PALM2AKAP2: variants seen among roughly 807,000 people sequenced by gnomAD.
The protein encoded by PALM2AKAP2 is PALM2-AKAP2 fusion protein.
PALM2AKAP2 carries 37 observed loss-of-function variants against 71.5 expected under a neutral mutation model. The ratio of observed to expected loss-of-function variants is 0.52; its 90% CI spans 0.40 to 0.68. The LOEUF is 0.68. Ranked by LOEUF, PALM2AKAP2 falls within the 30% of genes least tolerant of loss-of-function variation. The probability of loss-of-function intolerance (pLI) is 0.00; values close to 1 mark genes in which losing one functional copy is unlikely to be tolerated. For missense variants in PALM2AKAP2, 1,224 were observed against 1,191.8 expected, an observed-to-expected ratio of 1.03 and a Z score of -0.40; for synonymous variants, 468 against 478.8, an observed-to-expected ratio of 0.98 and a Z score of 0.29.
At chr9:110,135,299 CAAAAAAAAAAAA>C (rs71373970) in intron 1 of PALM2AKAP2, among the ~76,000 whole-genome samples, 2 of 7,256 alleles carry the variant, frequency 2.8e-4, no homozygotes, top group East Asian at 3.8e-3. Context: ...AATCCCATCT[CAAAAAAAAAAAA>C]AAAAAAAAAA....
At chr9:109,984,055 A>C (rs1832327096) in intron 6 of PALM2AKAP2, among the ~76,000 whole-genome samples, 1 of 152,144 alleles carries the variant, frequency 6.6e-6, no homozygotes, top group Non-Finnish European at 1.5e-5. Context: ...GATGCTAAAA[A>C]CTTACCTAAT....
chr9:109,756,509 C>A (rs1487896297), intron 1 of PALM2AKAP2, among the ~76,000 whole-genome samples: 1 of 152,114 alleles, frequency 6.6e-6, no homozygotes, highest in African/African-American at 2.4e-5. Flanking sequence ...TGTTCATTGG[C>A]TTTTGGCCAA....
chr9:110,032,060 GAAAAAA>G (rs560993508), intron 7 of PALM2AKAP2, among the ~76,000 whole-genome samples: 1 of 119,378 alleles, frequency 8.4e-6, no homozygotes, highest in African/African-American at 3.2e-5. Flanking sequence ...AGCTTACGGG[GAAAAAA>G]AAAAAAAAAA....
At chr9:109,985,764 C>T (rs142070631) in intron 6 of PALM2AKAP2, among the ~76,000 whole-genome samples, 1 of 151,740 alleles carries the variant, frequency 6.6e-6, no homozygotes, top group African/African-American at 2.4e-5. Context: ...ATTCTCCTGC[C>T]TCAGCCACCT....
intron 1 of PALM2AKAP2, among the ~76,000 whole-genome samples, chr9:109,747,437 C>T (rs1828819928): frequency 6.6e-6 from 1 of 152,094 alleles, no homozygotes; most frequent in African/African-American, 2.4e-5. Context: ...CTTGGGGTTC[C>T]TGTCTTGGCA....
chr9:110,094,671 GGGGGC>G lies in PALM2AKAP2; in HGVS notation c.157-41452_157-41448del, dbSNP rs1408837709. 3.8e-3 allele frequency among the ~76,000 whole-genome samples: 260 copies of G among 69,258 alleles called. 1 individual carries two copies. The highest frequency in any genetic ancestry group is 0.027 in the African/African-American group (245 of 9,082). 45.4% of individuals were successfully genotyped at this position (69,258 alleles called of 152,430 possible). On this transcript the variant is annotated intron_variant, in intron 1 of 3. Coordinates refer to ENST00000374525, the Ensembl canonical transcript of PALM2AKAP2. ...TTATCGGAATAGCACCACGGGGCGG[GGGGGC>G]GGGTAATCTGCCCCCATGATCCAAT...
At chr9:110,079,445 G>A (rs994376845) in intron 1 of PALM2AKAP2, among the ~76,000 whole-genome samples, 6 of 152,092 alleles carry the variant, frequency 3.9e-5, no homozygotes, top group Non-Finnish European at 7.4e-5. Context: ...GCAGTGAGCC[G>A]AGATCGTGCC....
chr9:109,882,335 A>G (rs1829871421), intron 3 of PALM2AKAP2, among the ~76,000 whole-genome samples: 1 of 152,222 alleles, frequency 6.6e-6, no homozygotes, highest in Non-Finnish European at 1.5e-5. Flanking sequence ...CTATGTCCCT[A>G]CTTTGCTTAG....
chr9:110,048,768 TG>T lies in PALM2AKAP2; in HGVS notation c.71del (p.Gly24AspfsTer41). The T allele has an allele frequency of 6.9e-7, 1 of 1,458,384 alleles. No individual in the cohort carries two copies. 90.3% of individuals were successfully genotyped at this position (1,458,384 alleles called of 1,614,324 possible). Reference sequence around the variant, plus strand: ...AGTCTCCTGGACCCCCGGAGTCTCCTGGACCCCCGGAGCGGGAGGCAGCGGC... The same window carrying T: ...AGTCTCCTGGACCCCCGGAGTCTCCTGACCCCCGGAGCGGGAGGCAGCGGC... On this transcript the variant is annotated frameshift_variant, in exon 1 of 4. Coordinates refer to ENST00000374525, the Ensembl canonical transcript of PALM2AKAP2. LOFTEE classifies it high-confidence loss of function.
chr9:110,156,274 T>C (rs1057318335), intron 2 of PALM2AKAP2, 45 bp from the exon 9 acceptor site: 5 of 1,494,458 alleles, frequency 3.3e-6, no homozygotes, highest in Non-Finnish European at 3.6e-6. Flanking sequence ...AAAGCAGTCA[T>C]GAGCAGACAA....
At chr9:110,135,064 C>CCAGCACTT (rs1384698059) in intron 1 of PALM2AKAP2, among the ~76,000 whole-genome samples, 1 of 146,084 alleles carries the variant, frequency 6.8e-6, no homozygotes, top group Non-Finnish European at 1.5e-5. Flanking sequence ...GTCTGTAATC[C>CCAGCACTT]CAGCACTTCG....
chr9:109,660,934 T>C (rs1827383936), intron 1 of PALM2AKAP2, among the ~76,000 whole-genome samples: 1 of 152,216 alleles, frequency 6.6e-6, no homozygotes, highest in African/African-American at 2.4e-5. Context: ...TGAGCATTTT[T>C]TCATGGGTCT....
intron 6 of PALM2AKAP2, among the ~76,000 whole-genome samples, chr9:110,013,677 C>G (rs1013444194): frequency 6.6e-6 from 1 of 152,176 alleles, no homozygotes; most frequent in East Asian, 1.9e-4. Flanking sequence ...CCAAACAGGT[C>G]TTGAGTAATT....
chr9:109,918,262 C>T (rs1830740718), intron 3 of PALM2AKAP2, among the ~76,000 whole-genome samples: 2 of 152,144 alleles, frequency 1.3e-5, no homozygotes, highest in African/African-American at 4.8e-5. Flanking sequence ...GAAATAAGAG[C>T]ATGATCGATG....
intron 3 of PALM2AKAP2, among the ~76,000 whole-genome samples, chr9:110,165,955 G>A (rs1421258051): frequency 6.6e-6 from 1 of 152,154 alleles, no homozygotes; most frequent in Non-Finnish European, 1.5e-5. Context: ...CAAGAGGATG[G>A]GGACCATAGT....
intron 1 of PALM2AKAP2, among the ~76,000 whole-genome samples, chr9:109,769,339 T>C (rs35167002): frequency 0.087 from 13,220 of 152,228 alleles, 701 homozygotes; most frequent in South Asian, 0.15. Context: ...AGGGCAAGTG[T>C]GAAATCTTGA....
At chr9:109,824,238 C>G (rs533002959) in intron 1 of PALM2AKAP2, among the ~76,000 whole-genome samples, 163 of 152,320 alleles carry the variant, frequency 1.1e-3, no homozygotes, top group African/African-American at 3.8e-3. Context: ...AGGCCACTAG[C>G]TGGCAGAAGG....
At chr9:110,035,597 G>T (rs1253464232) in intron 7 of PALM2AKAP2, among the ~76,000 whole-genome samples, 4 of 130,540 alleles carry the variant, frequency 3.1e-5, no homozygotes, top group African/African-American at 5.8e-5. Context: ...ACATATATAG[G>T]ATATGTTGTG....
At chr9:109,972,559 G>A (rs549388059) in intron 6 of PALM2AKAP2, among the ~76,000 whole-genome samples, 1 of 152,270 alleles carries the variant, frequency 6.6e-6, no homozygotes, top group South Asian at 2.1e-4. Context: ...ATGACCTTTA[G>A]CGTATTCTTC....
Sources: gnomAD v4.1 joint callset for allele counts (sites outside exome capture counted in the v4.1 genomes callset) on GRCh38, gnomAD v4.1.1 for gene constraint, MANE v1.5 for transcripts, NCBI Gene and HGNC (gene_info 2026-07-23, HGNC 2026-07-21) for gene names.